The following GKAP1 variants were observed in gnomAD, a reference collection of about 807,000 sequenced individuals.
GKAP1 encodes the protein G kinase anchoring protein 1, also known as G kinase-anchoring protein 1.
GKAP1 carries 31 observed loss-of-function variants against 56.7 expected under a neutral mutation model. That is an observed-to-expected ratio of 0.55 (90% CI 0.41 to 0.74). The LOEUF is 0.74. Ranked by LOEUF, GKAP1 falls within the 30% of genes least tolerant of loss-of-function variation. The pLI, the probability that GKAP1 is intolerant of heterozygous loss-of-function variation, is 0.00. For synonymous variants in GKAP1, 151 were observed against 138.6 expected, an observed-to-expected ratio of 1.09 and a Z score of -0.63; for missense variants, 364 against 402.3, an observed-to-expected ratio of 0.90 and a Z score of 0.82.
chr9:83,759,181 T>G (rs1943528278), intron 8 of GKAP1, among the ~76,000 whole-genome samples: 1 of 152,200 alleles, frequency 6.6e-6, no homozygotes, highest in South Asian at 2.1e-4. Context: ...GATTACAGAT[T>G]TTGTCGTTCT....
chr9:83,795,586 G>GTTTTT (rs754560081), intron 4 of GKAP1, among the ~76,000 whole-genome samples: 1 of 72,416 alleles, frequency 1.4e-5, no homozygotes, highest in Admixed American at 2.1e-4. Context: ...GTCTGAGAGT[G>GTTTTT]TCTTTTTTTT....
At chr9:83,814,535 G>A (rs749177136) in intron 2 of GKAP1, among the ~76,000 whole-genome samples, 34 of 151,992 alleles carry the variant, frequency 2.2e-4, no homozygotes, top group Non-Finnish European at 2.9e-4. Context: ...CTTTATTGTT[G>A]TGCCTAGCCC....
intron 10 of GKAP1, among the ~76,000 whole-genome samples, chr9:83,743,787 T>C (rs923714703): frequency 1.3e-4 from 20 of 152,172 alleles, no homozygotes; most frequent in Non-Finnish European, 2.4e-4. Context: ...CTATTCATTT[T>C]TTTCTAGAGG....
intron 8 of GKAP1, among the ~76,000 whole-genome samples, chr9:83,756,787 T>C (rs1235808770): frequency 1.3e-5 from 2 of 152,322 alleles, no homozygotes; most frequent in South Asian, 2.1e-4. Flanking sequence ...GCCTGGCATA[T>C]ACATAGCAAA....
chr9:83,812,902 A>G (rs1332505269), intron 2 of GKAP1, among the ~76,000 whole-genome samples: 3 of 152,232 alleles, frequency 2.0e-5, no homozygotes, highest in African/African-American at 7.2e-5. Flanking sequence ...TTAAGAGAAC[A>G]CTACCCTCGT....
chr9:83,791,930 A>G (rs534789979), intron 4 of GKAP1, among the ~76,000 whole-genome samples: 1 of 152,366 alleles, frequency 6.6e-6, no homozygotes, highest in African/African-American at 2.4e-5. Flanking sequence ...ACATTATGTT[A>G]ATGTTATAAT....
rs541500487 is a variant in GKAP1, at chr9:83,748,385, GA to G, written c.841-14del. Reference sequence around the variant, plus strand: ...CCTTATACTTTGCCTAATAGTCAAAGAAAAAAGATTTAGTTTTTTTAAAAGT... The same window carrying G: ...CCTTATACTTTGCCTAATAGTCAAAGAAAAAGATTTAGTTTTTTTAAAAGT... On this transcript the variant is annotated splice_polypyrimidine_tract_variant and intron_variant, in intron 9 of 12. Transcript: ENST00000376371. The G allele has an allele frequency of 2.7e-6, 4 of 1,457,638 alleles. No individual in the cohort carries two copies. Among genetic ancestry groups the G allele is most frequent in the South Asian group, 1.3e-5 (1 of 78,982 alleles). 90.3% of individuals were successfully genotyped at this position (1,457,638 alleles called of 1,614,324 possible).
chr9:83,779,852 G>A (rs909587219), intron 7 of GKAP1, among the ~76,000 whole-genome samples: 1 of 151,628 alleles, frequency 6.6e-6, no homozygotes, highest in Non-Finnish European at 1.5e-5. Context: ...CTATACTATA[G>A]TATTTAAATA....
chr9:83,803,676 C>G (rs1415364926), intron 3 of GKAP1, among the ~76,000 whole-genome samples: 1 of 152,054 alleles, frequency 6.6e-6, no homozygotes, highest in Admixed American at 6.5e-5. Context: ...GGCCGCCACC[C>G]CGTCTGGGAA....
At chr9:83,777,389 C>T (rs1943881861) in intron 7 of GKAP1, among the ~76,000 whole-genome samples, 1 of 151,924 alleles carries the variant, frequency 6.6e-6, no homozygotes, top group African/African-American at 2.4e-5. Flanking sequence ...TATTAAAAAA[C>T]AAAACAACTT....
At chr9:83,814,430 G>A (rs550993666) in intron 2 of GKAP1, among the ~76,000 whole-genome samples, 5 of 152,230 alleles carry the variant, frequency 3.3e-5, no homozygotes, top group South Asian at 4.1e-4. Flanking sequence ...TCTATGAAGC[G>A]TTCTCTGACC....
chr9:83,746,575 C>T (rs955074185), intron 10 of GKAP1, among the ~76,000 whole-genome samples: 12 of 151,988 alleles, frequency 7.9e-5, no homozygotes, highest in African/African-American at 2.2e-4. Flanking sequence ...TGGTAGCAGG[C>T]GCCTGTAGTC....
intron 8 of GKAP1, among the ~76,000 whole-genome samples, chr9:83,763,790 A>C (rs1344817270): frequency 1.3e-5 from 2 of 152,216 alleles, no homozygotes; most frequent in Non-Finnish European, 2.9e-5. Context: ...TTTAAATAAT[A>C]ATCTATAACT....
intron 4 of GKAP1, 25 bp from the exon 5 acceptor site, chr9:83,788,703 AACAG>A (rs750731905): frequency 9.6e-6 from 14 of 1,465,444 alleles, no homozygotes; most frequent in East Asian, 4.6e-5. Flanking sequence ...TTTCACAATA[AACAG>A]ACAGTATCAT....
intron 7 of GKAP1, among the ~76,000 whole-genome samples, chr9:83,773,068 ACTC>A (rs1295637951): frequency 1.3e-5 from 2 of 152,266 alleles, no homozygotes; most frequent in East Asian, 3.9e-4. Context: ...CAGCAATTTC[ACTC>A]CTAAGTAACC....
At chr9:83,763,926 A>G (rs977801864) in intron 8 of GKAP1, among the ~76,000 whole-genome samples, 1 of 152,150 alleles carries the variant, frequency 6.6e-6, no homozygotes, top group African/African-American at 2.4e-5. Context: ...TCATACTGCT[A>G]CTTAATTATT....
intron 8 of GKAP1, among the ~76,000 whole-genome samples, 185 bp downstream of exon 8, chr9:83,768,633 G>C (rs1292036161): frequency 6.6e-6 from 1 of 152,152 alleles, no homozygotes; most frequent in Admixed American, 6.5e-5. Context: ...GAATGAACTA[G>C]TCATACAGTA....
At chr9:83,763,334 A>C (rs1943606438) in intron 8 of GKAP1, among the ~76,000 whole-genome samples, 1 of 152,224 alleles carries the variant, frequency 6.6e-6, no homozygotes. Context: ...TAATTGGTAC[A>C]AAAAAGTTAG....
intron 4 of GKAP1, chr9:83,788,915 T>C (rs1287149835): frequency 3.3e-6 from 1 of 304,028 alleles, no homozygotes; most frequent in Non-Finnish European, 6.0e-6. Context: ...ATCTATTATA[T>C]ATGATATAAT....
Sources: allele counts gnomAD v4.1 joint callset (sites outside exome capture counted in the v4.1 genomes callset), GRCh38; gene constraint gnomAD v4.1.1; transcripts MANE v1.5; gene names NCBI Gene and HGNC (gene_info 2026-07-23, HGNC 2026-07-21).